KCNIP4: variants seen among roughly 807,000 people sequenced by gnomAD.
KCNIP4 encodes the protein potassium voltage-gated channel interacting protein 4.
Under a neutral mutation model 34.0 loss-of-function variants are expected in KCNIP4, and 12 were observed. That is an observed-to-expected ratio of 0.35 (90% CI 0.23 to 0.57). The LOEUF (loss-of-function observed/expected upper bound fraction) is 0.57, where lower values mean the gene tolerates loss of function less well. KCNIP4 is among the 20% of genes least tolerant of loss of function. The pLI, the probability that KCNIP4 is intolerant of heterozygous loss-of-function variation, is 0.83. For synonymous variants in KCNIP4, 124 were observed against 102.2 expected (o/e 1.21, Z -1.29); for missense variants, 238 against 311.7 (o/e 0.76, Z 1.78).
chr4:21,451,941 C>CATTTAAA (rs1728538079), intron 1 of KCNIP4, among the ~76,000 whole-genome samples: 1 of 152,044 alleles, frequency 6.6e-6, no homozygotes, highest in African/African-American at 2.4e-5. Flanking sequence ...GATTCTCATT[C>CATTTAAA]ATTTAAAAGA....
rs892825299 is a variant in KCNIP4, at chr4:20,837,512, T to C, written c.288+13031A>G. Among the ~76,000 whole-genome samples, 9 of 152,088 alleles carry C rather than the reference T, an allele frequency of 5.9e-5. No individual in the cohort carries two copies. In the East Asian group the frequency reaches 9.7e-4, roughly 16 times the overall value. ...ACTGCCAGCAATGTACAGTGATGAATGGTGCCCTAGAATTTAATTTTAGTT... is the reference window on the plus strand; with the variant it reads ...ACTGCCAGCAATGTACAGTGATGAACGGTGCCCTAGAATTTAATTTTAGTT... On this transcript the variant is annotated intron_variant, in intron 3 of 8. Coordinates refer to ENST00000382152, the MANE Select transcript of KCNIP4 (RefSeq NM_025221.6).
intron 1 of KCNIP4, among the ~76,000 whole-genome samples, chr4:21,416,606 G>A (rs1724974524): frequency 1.3e-5 from 2 of 152,140 alleles, no homozygotes; most frequent in African/African-American, 4.8e-5. Context: ...GGAACGAAAG[G>A]AAAATGAATG....
chr4:21,351,759 T>G (rs1430894662), intron 1 of KCNIP4, among the ~76,000 whole-genome samples: 1 of 152,112 alleles, frequency 6.6e-6, no homozygotes, highest in Admixed American at 6.5e-5. Flanking sequence ...GAAGACAATA[T>G]GAGATTATGA....
At chr4:21,775,746 A>G (rs1397668522) in intron 1 of KCNIP4, among the ~76,000 whole-genome samples, 1 of 152,196 alleles carries the variant, frequency 6.6e-6, no homozygotes, top group Non-Finnish European at 1.5e-5. Flanking sequence ...TCTGGCCACA[A>G]CTTGTGTGTT....
chr4:21,405,154 T>G (rs1723863829), intron 1 of KCNIP4, among the ~76,000 whole-genome samples: 1 of 152,148 alleles, frequency 6.6e-6, no homozygotes, highest in African/African-American at 2.4e-5. Context: ...TTGGCCAGAA[T>G]CCCGTCTCCC....
At chr4:21,148,953 C>T (rs879321482) in intron 1 of KCNIP4, among the ~76,000 whole-genome samples, 9 of 152,160 alleles carry the variant, frequency 5.9e-5, no homozygotes, top group Non-Finnish European at 1.2e-4. Context: ...GAGTATACAG[C>T]ATTAAAAGAT....
At chr4:20,998,688 A>G (rs1474917872) in intron 1 of KCNIP4, among the ~76,000 whole-genome samples, 2 of 152,188 alleles carry the variant, frequency 1.3e-5, no homozygotes, top group African/African-American at 4.8e-5. Context: ...ATAAGAAAAC[A>G]CTTGTCTCTT....
intron 1 of KCNIP4, among the ~76,000 whole-genome samples, chr4:21,519,423 T>TATGTGTGTATATGTATGTGTATATAC (rs1735107839): frequency 4.7e-5 from 4 of 84,860 alleles, no homozygotes; most frequent in South Asian, 5.2e-4. Flanking sequence ...TGTGTATATA[T>TATGTGTGTATATGTATGTGTATATAC]ACACATATGT....
chr4:20,996,196 A>T (rs778460169), intron 1 of KCNIP4, among the ~76,000 whole-genome samples: 1 of 152,234 alleles, frequency 6.6e-6, no homozygotes, highest in Non-Finnish European at 1.5e-5. Context: ...AACCCTGCTA[A>T]CATAGCCGTA....
At chr4:21,766,584 C>A (rs891132129) in intron 1 of KCNIP4, among the ~76,000 whole-genome samples, 5 of 152,160 alleles carry the variant, frequency 3.3e-5, no homozygotes, top group Non-Finnish European at 7.4e-5. Flanking sequence ...CAATGATCTG[C>A]ATAATTTCTC....
intron 2 of KCNIP4, among the ~76,000 whole-genome samples, chr4:20,880,604 C>T (rs201957078): frequency 6.6e-6 from 1 of 152,110 alleles, no homozygotes; most frequent in East Asian, 1.9e-4. Context: ...GCTAACGAGA[C>T]ATGACAATTT....
chr4:21,116,319 T>G (rs929987229), intron 1 of KCNIP4, among the ~76,000 whole-genome samples: 4 of 152,252 alleles, frequency 2.6e-5, no homozygotes, highest in African/African-American at 9.6e-5. Flanking sequence ...TTGCTGTTGT[T>G]GTTGTGGCTT....
In KCNIP4 at chr4:20,831,656, T is replaced by C. The variant is rs139181034; in HGVS notation, c.288+18887A>G. 1.8e-4 allele frequency among the ~76,000 whole-genome samples: 28 copies of C among 152,314 alleles called. No homozygotes were observed. The South Asian group carries it at 3.7e-3, about 20-fold the overall frequency. On this transcript the variant is annotated intron_variant, in intron 3 of 8. Transcript: ENST00000382152. ...TTTTCAATAAATGTAACCTGTCCAA[T>C]AAATCAGTAACATTTATTAATGATA...
At position 20,890,445 on chromosome 4, in the gene KCNIP4, G is replaced by C. The variant is rs376818241; in HGVS notation, c.62-7736C>G. 1.5e-4 allele frequency among the ~76,000 whole-genome samples: 23 copies of C among 152,066 alleles called. No homozygotes were observed. In the South Asian group the frequency reaches 4.6e-3, roughly 30 times the overall value. On this transcript the variant is annotated intron_variant, in intron 1 of 8. Coordinates refer to ENST00000382152, the MANE Select transcript of KCNIP4 (RefSeq NM_025221.6). The stretch of plus-strand genomic sequence containing the variant: ...CAAAAATATCTACATAAGATGAAAA[G>C]GTGTCTTATCCTGTTTCGATTATTA...
intron 1 of KCNIP4, among the ~76,000 whole-genome samples, chr4:21,620,253 A>G (rs940966218): frequency 1.3e-5 from 2 of 152,202 alleles, no homozygotes; most frequent in Admixed American, 6.5e-5. Context: ...CTGTAATCCC[A>G]ATACTTTGAA....
intron 1 of KCNIP4, among the ~76,000 whole-genome samples, chr4:21,148,394 C>T (rs770036908): frequency 1.6e-4 from 24 of 152,102 alleles, no homozygotes; most frequent in Non-Finnish European, 3.1e-4. Flanking sequence ...ACTGACACTA[C>T]TAAAACCATA....
At position 21,108,760 on chromosome 4, in the gene KCNIP4, G is replaced by T. The variant is rs527398848; in HGVS notation, c.62-226051C>A. 3.4e-4 allele frequency among the ~76,000 whole-genome samples: 52 copies of T among 152,032 alleles called. No individual in the cohort carries two copies. The East Asian group carries it at 0.01, about 29-fold the overall frequency. On this transcript the variant is annotated intron_variant, in intron 1 of 8. Transcript: ENST00000382152. Reference sequence around the variant, plus strand: ...ACTTTTGGTCTTTGATGATGGTGATGTACAGATGGGTTTTTGGTGTGGATG... The same window carrying T: ...ACTTTTGGTCTTTGATGATGGTGATTTACAGATGGGTTTTTGGTGTGGATG...
At chr4:20,856,550 A>G (rs903079302) in intron 2 of KCNIP4, among the ~76,000 whole-genome samples, 5 of 152,102 alleles carry the variant, frequency 3.3e-5, no homozygotes, top group African/African-American at 4.8e-5. Flanking sequence ...AATATCTTAC[A>G]TGTCTTGTTT....
intron 1 of KCNIP4, among the ~76,000 whole-genome samples, chr4:21,467,101 CACACACACACACACACAA>C (rs1178494169): frequency 6.7e-6 from 1 of 148,582 alleles, no homozygotes; most frequent in South Asian, 2.1e-4. Flanking sequence ...CACACACACA[CACACACACACACACACAA>C]AACAGAACAT....
Sources: gnomAD v4.1 joint callset for allele counts (sites outside exome capture counted in the v4.1 genomes callset) on GRCh38, gnomAD v4.1.1 for gene constraint, MANE v1.5 for transcripts, NCBI Gene and HGNC (gene_info 2026-07-23, HGNC 2026-07-21) for gene names.